Variants in NDE1 observed in about 807,000 individuals in gnomAD.
NDE1 encodes nuclear distribution protein nudE homolog 1.
Under a neutral mutation model 43.4 loss-of-function variants are expected in NDE1, and 28 were observed. The ratio of observed to expected loss-of-function variants is 0.65; its 90% confidence interval spans 0.48 to 0.89. NDE1 has a LOEUF of 0.89. NDE1 is among the 40% of genes least tolerant of loss of function. The probability of loss-of-function intolerance (pLI) is 0.00; values close to 1 mark genes in which losing one functional copy is unlikely to be tolerated. For synonymous variants in NDE1, 184 were observed against 172.0 expected (o/e 1.07, Z -0.55); for missense variants, 441 against 434.1 (o/e 1.02, Z -0.14).
rs776746865 is a variant in NDE1, at chr16:15,721,539, G to T, written c.948-2652G>T. ...AGGCCTCTTCAAGGGCCCGAGCCAG[G>T]GACAGGGCCTTGGTTTCCTTCTCCC... On this transcript the variant is annotated intron_variant, in intron 8 of 8. Transcript: ENST00000396354. 6.2e-7 allele frequency: 1 copy of T among 1,614,180 alleles called. No homozygotes were observed. Among genetic ancestry groups the T allele is most frequent in the South Asian group, 1.1e-5 (1 of 91,088 alleles).
intron 8 of NDE1, among the ~76,000 whole-genome samples, chr16:15,707,422 C>T (rs528727227): frequency 2.0e-5 from 3 of 152,274 alleles, no homozygotes; most frequent in Non-Finnish European, 4.4e-5. Context: ...GACTCAGTTT[C>T]CCACTGACCA....
rs1398827756 is a variant in NDE1, at chr16:15,725,236, GT to G, written c.*987del. 1.7e-6 allele frequency: 1 copy of G among 601,270 alleles called. No individual in the cohort carries two copies. Among genetic ancestry groups the G allele is most frequent in the African/African-American group, 1.9e-5 (1 of 53,772 alleles). 37.2% of individuals were successfully genotyped at this position (601,270 alleles called of 1,614,324 possible). A position where few individuals can be genotyped will look rare whatever the true frequency, so the allele number is the denominator to read the frequency against. ...TGGGACCCTGGCCCTAGACTCTGTG[GT>G]TCTAAGAACTTATTTGAGCCCCAAT... On this transcript the variant is annotated 3_prime_UTR_variant, in exon 9 of 9. Transcript: ENST00000396354.
At chr16:15,717,174 C>A in intron 8 of NDE1, 1 of 1,614,204 alleles carries the variant, frequency 6.2e-7, no homozygotes, top group Non-Finnish European at 8.5e-7. Context: ...TCCAGCTGTG[C>A]AATCTTGGCC....
intron 5 of NDE1, among the ~76,000 whole-genome samples, chr16:15,690,337 CTTTTTTTTTTTTTTTCTTTTTTTTTTTT>C (rs1184263978): frequency 2.6e-4 from 19 of 74,104 alleles, no homozygotes; most frequent in Non-Finnish European, 4.1e-4. Context: ...TGCAACTGGC[CTTTTTTTTTTTTTTTCTTTTTTTTTTTT>C]TTTTTTTTTT....
intron 8 of NDE1, among the ~76,000 whole-genome samples, chr16:15,702,400 T>C (rs534627498): frequency 6.6e-6 from 1 of 152,138 alleles, no homozygotes; most frequent in African/African-American, 2.4e-5. Flanking sequence ...TGGGTGGTGG[T>C]GGTGGTGTGA....
At chr16:15,694,524 T>G (rs186630227) in intron 7 of NDE1, 84 of 787,686 alleles carry the variant, frequency 1.1e-4, no homozygotes, top group Admixed American at 2.5e-4. Flanking sequence ...ACTTTCATTT[T>G]TTTGTAGTAA....
Position 15,667,635 on chromosome 16 carries a change from T to TTG in NDE1, c.237+197_237+198insGT, listed in dbSNP as rs1555538034. 5.0e-5 allele frequency among the ~76,000 whole-genome samples: 7 copies of TTG among 139,886 alleles called. 1 individual carries two copies. The highest frequency in any genetic ancestry group is 4.0e-4 in the East Asian group (2 of 5,036). The allele number at this position is 139,886 out of a possible 152,430, so 91.8% of individuals were successfully genotyped here. ...AGTGGGTGGTGCTTTTTGTTTTGTTTTTTTTTTTTTTTTGAGATGGAGTTT... is the reference window on the plus strand; with the variant it reads ...AGTGGGTGGTGCTTTTTGTTTTGTTTTGTTTTTTTTTTTTTGAGATGGAGTTT... On this transcript the variant is annotated intron_variant, in intron 3 of 8. Coordinates refer to ENST00000396354, the MANE Select transcript of NDE1 (RefSeq NM_017668.3).
Position 15,714,898 on chromosome 16 carries a change from G to A in NDE1, c.948-9293G>A, listed in dbSNP as rs374454501. The A allele has an allele frequency of 4.9e-4, 793 of 1,613,134 alleles. 3 individuals carry two copies. Among genetic ancestry groups the A allele is most frequent in the Non-Finnish European group, 5.9e-4 (691 of 1,179,926 alleles). ...GAGAGACGGGGTCCTCCCGGGCCAC[G>A]GGCTCCTCACCTGAGCTTGCTCTTG... On this transcript the variant is annotated intron_variant, in intron 8 of 8. Coordinates refer to ENST00000396354, the MANE Select transcript of NDE1 (RefSeq NM_017668.3).
intron 8 of NDE1, 46 bp downstream of exon 8, chr16:15,696,906 T>G: frequency 1.2e-6 from 2 of 1,603,388 alleles, no homozygotes; most frequent in East Asian, 4.5e-5. Flanking sequence ...AGAACCCGCC[T>G]GCCCCAGGCA....
At chr16:15,709,206 G>A (rs2039641547) in intron 8 of NDE1, among the ~76,000 whole-genome samples, 1 of 152,106 alleles carries the variant, frequency 6.6e-6, no homozygotes, top group Non-Finnish European at 1.5e-5. Context: ...CTCCCAAGGT[G>A]CTGGGATTTG....
chr16:15,667,754 C>T (rs2037391134), intron 3 of NDE1, among the ~76,000 whole-genome samples: 1 of 151,188 alleles, frequency 6.6e-6, no homozygotes, highest in Admixed American at 6.6e-5. Context: ...GCCTCAGCCT[C>T]CTGAGTAGCT....
chr16:15,671,268 C>T (rs1392061985), intron 3 of NDE1, among the ~76,000 whole-genome samples: 5 of 152,092 alleles, frequency 3.3e-5, no homozygotes, highest in African/African-American at 1.2e-4. Context: ...CTTTGAGAGG[C>T]TGAGGAGGGA....
At chr16:15,677,691 C>A in intron 3 of NDE1, 110 bp from the exon 4 acceptor site, 4 of 1,222,168 alleles carry the variant, frequency 3.3e-6, no homozygotes, top group Non-Finnish European at 3.5e-6. Context: ...TCAGGCAGTC[C>A]TCCCAGTTTA....
intron 1 of NDE1, chr16:15,651,451 T>G (rs553747061): frequency 1.4e-5 from 2 of 143,524 alleles, no homozygotes; most frequent in South Asian, 2.3e-4. Flanking sequence ...TTTTTTTTTG[T>G]TTTTGTTTTT....
chr16:15,708,798 G>C (rs770467844), intron 8 of NDE1: 1 of 1,606,992 alleles, frequency 6.2e-7, no homozygotes, highest in African/African-American at 1.3e-5. Context: ...CTGAAGGCAT[G>C]ATACCTGGTG....
At chr16:15,699,889 A>G (rs2151151979) in intron 8 of NDE1, 6 of 1,287,858 alleles carry the variant, frequency 4.7e-6, no homozygotes, top group South Asian at 1.2e-5. Context: ...GTCTTTTTAC[A>G]CTAGGTTTTT....
At chr16:15,702,596 A>T (rs2039258694) in intron 8 of NDE1, among the ~76,000 whole-genome samples, 1 of 150,114 alleles carries the variant, frequency 6.7e-6, no homozygotes, top group Non-Finnish European at 1.5e-5. Flanking sequence ...TTTTATAGAG[A>T]CGGGGGTCTC....
At chr16:15,651,713 T>C (rs1207375381) in intron 1 of NDE1, 1 of 152,206 alleles carries the variant, frequency 6.6e-6, no homozygotes, top group East Asian at 1.9e-4. Flanking sequence ...GTGCTGGGAT[T>C]ACAGGCGTGA....
intron 4 of NDE1, among the ~76,000 whole-genome samples, chr16:15,682,336 C>T (rs368879878): frequency 3.3e-5 from 5 of 152,070 alleles, no homozygotes; most frequent in Admixed American, 6.6e-5. Flanking sequence ...TTGTAAAGAC[C>T]GGGTTTCTCC....
Sources: gnomAD v4.1 joint callset for allele counts (sites outside exome capture counted in the v4.1 genomes callset) on GRCh38, gnomAD v4.1.1 for gene constraint, MANE v1.5 for transcripts, NCBI Gene and HGNC (gene_info 2026-07-23, HGNC 2026-07-21) for gene names.